Variants in MAP3K13 observed in about 807,000 individuals in gnomAD.
MAP3K13 encodes the protein leucine zipper-bearing kinase.
Under a neutral mutation model 104.0 loss-of-function variants are expected in MAP3K13, and 52 were observed. The ratio of observed to expected loss-of-function variants is 0.50; its 90% CI spans 0.40 to 0.63. MAP3K13 has a LOEUF of 0.63. Among genes scored for constraint, MAP3K13 ranks in the 20% least tolerant of loss-of-function variants. MAP3K13 has a pLI of 0.00. For synonymous variants in MAP3K13, 394 were observed against 442.2 expected (o/e 0.89, Z 1.37); for missense variants, 914 against 1,218.5 (o/e 0.75, Z 3.72).
At chr3:185,478,289 G>A (rs1271867048) in intron 12 of MAP3K13, among the ~76,000 whole-genome samples, 1 of 152,110 alleles carries the variant, frequency 6.6e-6, no homozygotes, top group Non-Finnish European at 1.5e-5. Context: ...CCTACCAAGA[G>A]GTCTTTTTCT....
intron 1 of MAP3K13, among the ~76,000 whole-genome samples, chr3:185,382,811 C>T (rs1724793996): frequency 6.6e-6 from 1 of 152,140 alleles, no homozygotes. Flanking sequence ...CAAGACCATC[C>T]TGGCTAACAC....
intron 1 of MAP3K13, among the ~76,000 whole-genome samples, chr3:185,386,630 G>A (rs1397277476): frequency 6.6e-6 from 1 of 152,160 alleles, no homozygotes; most frequent in Non-Finnish European, 1.5e-5. Context: ...ATTCACAATA[G>A]CAAAGACAGG....
intron 1 of MAP3K13, among the ~76,000 whole-genome samples, chr3:185,414,792 T>C (rs1227198739): frequency 6.6e-6 from 1 of 152,220 alleles, no homozygotes; most frequent in Non-Finnish European, 1.5e-5. Context: ...ATATCTCTAG[T>C]TATATTTTAC....
At chr3:185,382,590 G>C (rs1427686878) in intron 1 of MAP3K13, among the ~76,000 whole-genome samples, 9 of 152,288 alleles carry the variant, frequency 5.9e-5, no homozygotes, top group Admixed American at 2.6e-4. Context: ...TTGGAGGTGA[G>C]GCCTAGTGGG....
intron 1 of MAP3K13, among the ~76,000 whole-genome samples, chr3:185,378,394 T>A (rs1055791403): frequency 6.6e-6 from 1 of 151,996 alleles, no homozygotes; most frequent in African/African-American, 2.4e-5. Context: ...GCTATCTGAT[T>A]TGGGATAAAG....
At chr3:185,361,463 A>C (rs1464714397), upstream of MAP3K13, among the ~76,000 whole-genome samples, 3 of 151,158 alleles carry the variant, frequency 2.0e-5, no homozygotes, top group Non-Finnish European at 4.4e-5. Flanking sequence ...TGCAGTGGCA[A>C]GATCTCGGCT....
chr3:185,285,715 G>A (rs2108666273), intron 2 of MAP3K13: 1 of 1,274,774 alleles, frequency 7.8e-7, no homozygotes, highest in Non-Finnish European at 1.1e-6. Flanking sequence ...GAAATTATAG[G>A]ATTGTAATTG....
chr3:185,320,341 A>C (rs1721813563), intron 2 of MAP3K13, among the ~76,000 whole-genome samples: 1 of 152,180 alleles, frequency 6.6e-6, no homozygotes. Flanking sequence ...TCAGCCTCCC[A>C]AAGTACTGGG....
In MAP3K13 at chr3:185,421,692, C is replaced by G. The variant is rs1021335144; in HGVS notation, c.-85-6805C>G. On this transcript the variant is annotated intron_variant, in intron 1 of 13. Transcript: ENST00000265026. ...AAACAATCAGTTCCCATGAGGGTAC[C>G]TGAGCCAGATTTGCACAGGGAGAGA... is the stretch of plus-strand genomic sequence containing the variant. Among the ~76,000 whole-genome samples the G allele has an allele frequency of 2.6e-5, 4 of 152,204 alleles. No homozygotes were observed. In the East Asian group the frequency reaches 5.8e-4, roughly 22 times the overall value.
At chr3:185,375,153 A>T (rs1724361974) in intron 1 of MAP3K13, among the ~76,000 whole-genome samples, 1 of 152,114 alleles carries the variant, frequency 6.6e-6, no homozygotes, top group Non-Finnish European at 1.5e-5. Context: ...AAACCGAGGA[A>T]TTATGTCTGA....
At chr3:185,414,555 G>A (rs1216068883) in intron 1 of MAP3K13, among the ~76,000 whole-genome samples, 1 of 152,276 alleles carries the variant, frequency 6.6e-6, no homozygotes, top group African/African-American at 2.4e-5. Flanking sequence ...AAAAAGCAAC[G>A]CAAGGATAGC....
Position 185,482,983 on chromosome 3 carries a change from T to C in MAP3K13, c.*527T>C, listed in dbSNP as rs1358096996. 1.3e-5 allele frequency: 3 copies of C among 232,160 alleles called. No homozygotes were observed. Among genetic ancestry groups the C allele is most frequent in the Non-Finnish European group, 2.6e-5 (3 of 117,566 alleles). 14.4% of individuals were successfully genotyped at this position (232,160 alleles called of 1,614,324 possible). ...AGCCAGAGCAAGACATTGAACATTT[T>C]AGAACACAAAGAACAGCAAAAGAAA... On this transcript the variant is annotated 3_prime_UTR_variant, in exon 14 of 14. Transcript: ENST00000265026. This position sits in a 1 kb window ranked among gnomAD's most constrained non-coding sequence, Gnocchi z 4.5.
chr3:185,353,573 AG>A (rs748305518), intron 2 of MAP3K13, among the ~76,000 whole-genome samples: 4 of 152,230 alleles, frequency 2.6e-5, no homozygotes, highest in Non-Finnish European at 5.9e-5. Context: ...AGGCAGCTTT[AG>A]GCTAAACTTG....
chr3:185,465,106 T>C (rs1217826583), intron 8 of MAP3K13, among the ~76,000 whole-genome samples: 2 of 152,186 alleles, frequency 1.3e-5, no homozygotes, highest in Non-Finnish European at 2.9e-5. Context: ...CTCAGCCTCC[T>C]GAGTAGCTGT....
intron 1 of MAP3K13, among the ~76,000 whole-genome samples, chr3:185,416,787 AT>A (rs63345160): frequency 0.015 from 2,108 of 136,248 alleles, 40 homozygotes; most frequent in African/African-American, 0.043. Context: ...ATGCCCAGCT[AT>A]TTTTTTTTTT....
intron 13 of MAP3K13, among the ~76,000 whole-genome samples, chr3:185,481,468 CAACAGTGAG>C (rs2148931503): frequency 6.6e-6 from 1 of 150,462 alleles, no homozygotes; most frequent in East Asian, 2.0e-4. Context: ...CCAGCCTGAG[CAACAGTGAG>C]ACCCTGTCTC....
At chr3:185,414,747 TAGTATAAAATA>T (rs1444776281) in intron 1 of MAP3K13, among the ~76,000 whole-genome samples, 5 of 152,158 alleles carry the variant, frequency 3.3e-5, no homozygotes, top group African/African-American at 1.2e-4. Context: ...TTTTAATGTA[TAGTATAAAATA>T]AGTATAGAAT....
At chr3:185,378,004 G>GT (rs1724518337) in intron 1 of MAP3K13, among the ~76,000 whole-genome samples, 3 of 152,236 alleles carry the variant, frequency 2.0e-5, no homozygotes, top group Admixed American at 6.5e-5. Context: ...AAGCTCCTGG[G>GT]GTGGGGGGAG....
chr3:185,449,373 A>C, intron 5 of MAP3K13, among the ~76,000 whole-genome samples: 1 of 133,034 alleles, frequency 7.5e-6, no homozygotes, highest in African/African-American at 2.7e-5. Flanking sequence ...ATGCTGTCTA[A>C]AAAAAAAAAA....
Sources: allele counts gnomAD v4.1 joint callset (sites outside exome capture counted in the v4.1 genomes callset), GRCh38; gene constraint gnomAD v4.1.1; non-coding constraint Gnocchi (gnomAD v3.1); transcripts MANE v1.5; gene names NCBI Gene and HGNC (gene_info 2026-07-23, HGNC 2026-07-21).